The following CDH11 variants were observed in gnomAD, a reference collection of about 807,000 sequenced individuals.
The protein encoded by CDH11 is cadherin 11.
A neutral mutation model predicts 67.8 loss-of-function variants in CDH11; 11 were observed. That is an observed-to-expected ratio of 0.16 (90% CI 0.10 to 0.27). The LOEUF is 0.27. CDH11 is among the 10% of genes least tolerant of loss of function. CDH11 has a pLI of 1.00. For synonymous variants in CDH11, 419 were observed against 400.0 expected (o/e 1.05, Z -0.57); for missense variants, 847 against 1,031.2 (o/e 0.82, Z 2.45).
At chr16:65,049,859 C>A (rs1482331929) in intron 2 of CDH11, among the ~76,000 whole-genome samples, 1 of 152,094 alleles carries the variant, frequency 6.6e-6, no homozygotes, top group African/African-American at 2.4e-5. Context: ...GCCTACATCC[C>A]AAAATAGGAA....
chr16:65,081,568 CAAA>C (rs200604783), intron 1 of CDH11, among the ~76,000 whole-genome samples: 3 of 60,722 alleles, frequency 4.9e-5, no homozygotes, highest in Non-Finnish European at 6.7e-5. Flanking sequence ...GACTCTGTCT[CAAA>C]AAAAAAAAAA....
chr16:65,018,230 G>A (rs1370463727), intron 2 of CDH11, among the ~76,000 whole-genome samples: 5 of 152,172 alleles, frequency 3.3e-5, no homozygotes, highest in African/African-American at 1.2e-4. Flanking sequence ...ACTTTCCACA[G>A]GTTAGGAACC....
intron 1 of CDH11, among the ~76,000 whole-genome samples, chr16:65,095,501 A>G (rs2074873892): frequency 6.6e-6 from 1 of 152,188 alleles, no homozygotes; most frequent in Non-Finnish European, 1.5e-5. Context: ...TAAGCAATCT[A>G]GGTGTTATTG....
At chr16:65,095,409 A>G (rs60684738) in intron 1 of CDH11, among the ~76,000 whole-genome samples, 9,785 of 152,264 alleles carry the variant, frequency 0.064, 519 homozygotes, top group African/African-American at 0.15. Context: ...GGAAAAATAT[A>G]TAGTTTACTA....
chr16:64,947,484 A>C lies in CDH11; in HGVS notation c.*119T>G. 1 of 1,502,970 alleles carries C rather than the reference A, an allele frequency of 6.7e-7. No homozygotes were observed. 93.1% of individuals were successfully genotyped at this position (1,502,970 alleles called of 1,614,324 possible). On this transcript the variant is annotated 3_prime_UTR_variant, in exon 13 of 13. Transcript: ENST00000268603. ...GTTTTATTAAATGTATCCTCTCTGT[A>C]AAACTTTGCCTGTTTTAAATGAGCC...
chr16:64,959,023 T>C (rs2071599118), intron 11 of CDH11, among the ~76,000 whole-genome samples: 1 of 152,166 alleles, frequency 6.6e-6, no homozygotes. Context: ...GCTACAATGA[T>C]GCAAATTCTA....
At chr16:65,034,512 A>G (rs907208150) in intron 2 of CDH11, among the ~76,000 whole-genome samples, 1 of 152,150 alleles carries the variant, frequency 6.6e-6, no homozygotes, top group African/African-American at 2.4e-5. Context: ...CATGAGTACT[A>G]GGTTCAAAGC....
intron 8 of CDH11, among the ~76,000 whole-genome samples, chr16:64,976,851 A>AAACC (rs143816723): frequency 0.31 from 45,756 of 146,826 alleles, 7,464 homozygotes; most frequent in South Asian, 0.48. Flanking sequence ...CGGTCTCCAA[A>AAACC]AACCAACCAA....
intron 1 of CDH11, among the ~76,000 whole-genome samples, chr16:65,089,471 G>A: frequency 6.6e-6 from 1 of 152,048 alleles, no homozygotes; most frequent in East Asian, 1.9e-4. Context: ...TTAAAACTAT[G>A]AAAGAATGGT....
intron 1 of CDH11, among the ~76,000 whole-genome samples, chr16:65,118,202 T>C (rs779660893): frequency 6.6e-6 from 1 of 151,918 alleles, no homozygotes; most frequent in African/African-American, 2.4e-5. Flanking sequence ...CGCGAAGGAG[T>C]CCATTTCCAG....
intron 7 of CDH11, chr16:64,984,794 T>C (rs1233156297): frequency 1.3e-5 from 2 of 152,316 alleles, no homozygotes; most frequent in African/African-American, 4.8e-5. Flanking sequence ...TAACAGCATG[T>C]AAAATGTTTA....
At chr16:65,027,033 C>T (rs968972833) in intron 2 of CDH11, among the ~76,000 whole-genome samples, 2 of 152,102 alleles carry the variant, frequency 1.3e-5, no homozygotes, top group South Asian at 2.1e-4. Flanking sequence ...AAAGGAGTTA[C>T]GTGGTTGTAG....
intron 2 of CDH11, among the ~76,000 whole-genome samples, chr16:65,008,757 G>A (rs933526897): frequency 2.6e-5 from 4 of 152,138 alleles, no homozygotes; most frequent in African/African-American, 9.7e-5. Context: ...AAGTTCATAA[G>A]GAAATTATAC....
intron 1 of CDH11, among the ~76,000 whole-genome samples, chr16:65,114,754 C>T (rs2142891320): frequency 6.6e-6 from 1 of 152,252 alleles, no homozygotes; most frequent in East Asian, 1.9e-4. Flanking sequence ...TTGGAAAGCC[C>T]AGCCTGGCTG....
chr16:64,988,078 C>G, intron 7 of CDH11, 79 bp downstream of exon 7: 2 of 1,154,328 alleles, frequency 1.7e-6, no homozygotes, highest in East Asian at 5.2e-5. Flanking sequence ...TCTTAACCGT[C>G]GCCTCCCTGT....
chr16:64,980,379 C>T (rs1012176783), intron 8 of CDH11, among the ~76,000 whole-genome samples: 1 of 152,156 alleles, frequency 6.6e-6, no homozygotes, highest in Non-Finnish European at 1.5e-5. Context: ...GAGGACCTCA[C>T]ATAACCTAAG....
intron 1 of CDH11, among the ~76,000 whole-genome samples, chr16:65,111,259 A>C (rs1177251632): frequency 1.3e-5 from 2 of 152,222 alleles, no homozygotes; most frequent in African/African-American, 4.8e-5. Context: ...TTTATAGATT[A>C]ATATCATTTA....
intron 8 of CDH11, chr16:64,981,832 C>T (rs2072358021): frequency 2.4e-6 from 1 of 408,908 alleles, no homozygotes; most frequent in African/African-American, 2.0e-5. Flanking sequence ...TGCTCCAGAG[C>T]AAAGTCATGT....
At chr16:65,040,553 T>A (rs2073847603) in intron 2 of CDH11, among the ~76,000 whole-genome samples, 1 of 151,370 alleles carries the variant, frequency 6.6e-6, no homozygotes, top group Non-Finnish European at 1.5e-5. Context: ...CTGGGGCATG[T>A]TGTGGGGTGG....
Sources: allele counts gnomAD v4.1 joint callset (sites outside exome capture counted in the v4.1 genomes callset), GRCh38; gene constraint gnomAD v4.1.1; transcripts MANE v1.5; gene names NCBI Gene and HGNC (gene_info 2026-07-23, HGNC 2026-07-21).